ANO2: variants seen among roughly 807,000 people sequenced by gnomAD.
The protein encoded by ANO2 is anoctamin 2, also known as anoctamin-2.
In ANO2, 101 loss-of-function variants were observed where a neutral mutation model predicts 124.2. That is an observed-to-expected ratio of 0.81 (90% CI 0.69 to 0.96). The LOEUF is 0.96. ANO2 is among the 40% of genes least tolerant of loss of function. The probability of loss-of-function intolerance (pLI) is 0.00; values close to 1 mark genes in which losing one functional copy is unlikely to be tolerated. For missense variants in ANO2, 1,293 were observed against 1,274.5 expected (o/e 1.01, Z -0.22); for synonymous variants, 486 against 482.5 (o/e 1.01, Z -0.09).
At chr12:5,610,723 C>CATATATACATATATACAT (rs1555100504) in intron 19 of ANO2, among the ~76,000 whole-genome samples, 1 of 116,898 alleles carries the variant, frequency 8.6e-6, no homozygotes, top group Non-Finnish European at 1.7e-5. Flanking sequence ...CACATATATA[C>CATATATACATATATACAT]ATATATATAT....
chr12:5,591,046 C>T (rs371666343), intron 20 of ANO2, among the ~76,000 whole-genome samples: 10 of 152,058 alleles, frequency 6.6e-5, no homozygotes, highest in African/African-American at 2.4e-4. Context: ...CAGGGCGTGA[C>T]GGGAATGCCT....
At chr12:5,927,287 C>A (rs1942124134) in intron 1 of ANO2, among the ~76,000 whole-genome samples, 1 of 152,194 alleles carries the variant, frequency 6.6e-6, no homozygotes, top group African/African-American at 2.4e-5. Flanking sequence ...ATATCAGTGG[C>A]CTCAGGTGAG....
At chr12:5,759,292 A>G (rs1951671648) in intron 10 of ANO2, among the ~76,000 whole-genome samples, 1 of 152,186 alleles carries the variant, frequency 6.6e-6, no homozygotes, top group South Asian at 2.1e-4. Flanking sequence ...GAAAGAGAAA[A>G]ATTTTAATTA....
At chr12:5,917,565 C>CTTTTTTTT (rs1275136752) in intron 3 of ANO2, among the ~76,000 whole-genome samples, 19 of 100,632 alleles carry the variant, frequency 1.9e-4, no homozygotes, top group Non-Finnish European at 2.7e-4. Context: ...TCTCTTTTTT[C>CTTTTTTTT]TTTTTTTTTT....
chr12:5,828,172 G>C (rs117267394), intron 6 of ANO2, among the ~76,000 whole-genome samples: 2,091 of 152,304 alleles, frequency 0.014, 22 homozygotes, highest in Non-Finnish European at 0.02. Context: ...GGAAGCCCTG[G>C]GTCTGTGGAG....
At chr12:5,603,901 C>T (rs981028306) in intron 19 of ANO2, among the ~76,000 whole-genome samples, 5 of 143,672 alleles carry the variant, frequency 3.5e-5, no homozygotes, top group African/African-American at 7.8e-5. Flanking sequence ...GCTGAGATAG[C>T]GCCACTGCAG....
Position 5,830,494 on chromosome 12 carries a change from A to G in ANO2, c.786-5T>C, listed in dbSNP as rs190077260. 36 of 1,610,276 alleles carry G rather than the reference A, an allele frequency of 2.2e-5. No homozygotes were observed. The highest frequency in any genetic ancestry group is 3.0e-5 in the Non-Finnish European group (35 of 1,178,346). ...TCCTTTTCCTGGATGTTGTACCTGG[A>G]GACACCAAGAGAGCAGATGGCAAAT... On this transcript the variant is annotated splice_region_variant and splice_polypyrimidine_tract_variant and intron_variant, in intron 5 of 24. Coordinates refer to ENST00000682330, the MANE Select transcript of ANO2 (RefSeq NM_001364791.2).
chr12:5,682,337 TTCTCTCTCTCTC>T (rs3067753), intron 14 of ANO2, among the ~76,000 whole-genome samples: 7 of 149,978 alleles, frequency 4.7e-5, no homozygotes, highest in African/African-American at 1.7e-4. Context: ...CTCTTTCTCT[TTCTCTCTCTCTC>T]TCTCTCTCTC....
At chr12:5,606,104 G>T (rs2136893926) in intron 19 of ANO2, among the ~76,000 whole-genome samples, 1 of 152,318 alleles carries the variant, frequency 6.6e-6, no homozygotes, top group Admixed American at 6.5e-5. Context: ...CCCATCTCCA[G>T]GGTCTCTAAG....
At chr12:5,933,011 T>C (rs903377980) in intron 1 of ANO2, among the ~76,000 whole-genome samples, 6 of 152,222 alleles carry the variant, frequency 3.9e-5, no homozygotes, top group Non-Finnish European at 5.9e-5. Context: ...GTTGAGATTA[T>C]GGCCCTCCTG....
intron 4 of ANO2, among the ~76,000 whole-genome samples, chr12:5,850,624 G>A (rs1048805688): frequency 3.9e-5 from 6 of 152,042 alleles, no homozygotes; most frequent in African/African-American, 1.5e-4. Flanking sequence ...AATTGGTGCT[G>A]GGCTAATGAG....
rs1348983486 is a variant in ANO2, at chr12:5,935,326, G to GT, written c.22+9869dup. 5.9e-5 allele frequency among the ~76,000 whole-genome samples: 9 copies of GT among 152,232 alleles called. No individual in the cohort carries two copies. In the South Asian group the frequency reaches 1.5e-3, roughly 25 times the overall value. On this transcript the variant is annotated intron_variant, in intron 1 of 24. Coordinates refer to ENST00000682330, the MANE Select transcript of ANO2 (RefSeq NM_001364791.2). ...TCAATAGCAAACATCCACCACAATG[G>GT]TAACACCATGTGAAAGTCGAGAGGA...
chr12:5,818,347 G>A (rs143210208), intron 7 of ANO2, among the ~76,000 whole-genome samples: 2,476 of 150,674 alleles, frequency 0.016, 63 homozygotes, highest in African/African-American at 0.056. Flanking sequence ...CTCAAACATC[G>A]GACTCCAAGT....
chr12:5,899,941 A>C (rs1940069510), intron 3 of ANO2, among the ~76,000 whole-genome samples: 1 of 152,208 alleles, frequency 6.6e-6, no homozygotes. Context: ...TTCAAGCTGC[A>C]GCTGTTTATT....
At chr12:5,796,456 C>A (rs530054954) in intron 10 of ANO2, among the ~76,000 whole-genome samples, 1 of 146,292 alleles carries the variant, frequency 6.8e-6, no homozygotes, top group African/African-American at 2.6e-5. Context: ...ACACACACAC[C>A]CACTCTTGCA....
intron 10 of ANO2, among the ~76,000 whole-genome samples, chr12:5,756,163 T>C (rs1951574717): frequency 6.6e-6 from 1 of 152,002 alleles, no homozygotes; most frequent in South Asian, 2.1e-4. Context: ...TTAAGTTTTT[T>C]AGTTCAGTCA....
chr12:5,640,200 T>C (rs535420376), intron 15 of ANO2, among the ~76,000 whole-genome samples: 2 of 152,318 alleles, frequency 1.3e-5, no homozygotes, highest in East Asian at 1.9e-4. Flanking sequence ...ACTCGGTAGA[T>C]TGGCATGCCT....
chr12:5,878,171 T>C (rs1295711871), intron 3 of ANO2, among the ~76,000 whole-genome samples: 1 of 152,248 alleles, frequency 6.6e-6, no homozygotes, highest in East Asian at 1.9e-4. Context: ...TGACTCTCTG[T>C]CTATTAAATG....
chr12:5,872,687 G>T (rs537277777), intron 3 of ANO2, among the ~76,000 whole-genome samples: 21 of 152,186 alleles, frequency 1.4e-4, no homozygotes, highest in African/African-American at 5.1e-4. Context: ...CACTAAGAGA[G>T]CCAGCCCTAC....
Sources: gnomAD v4.1 joint callset for allele counts (sites outside exome capture counted in the v4.1 genomes callset) on GRCh38, gnomAD v4.1.1 for gene constraint, MANE v1.5 for transcripts, NCBI Gene and HGNC (gene_info 2026-07-23, HGNC 2026-07-21) for gene names.